DCUN1D2: variants seen among roughly 807,000 people sequenced by gnomAD.
DCUN1D2 encodes DCN1-like protein 2.
A neutral mutation model predicts 30.9 loss-of-function variants in DCUN1D2; 29 were observed. The observed-to-expected ratio is 0.94, with a 90% CI of 0.70 to 1.28. The LOEUF (loss-of-function observed/expected upper bound fraction) is 1.28, where lower values mean the gene tolerates loss of function less well. Ranked by LOEUF, DCUN1D2 falls within the 50% of genes most tolerant of loss-of-function variation. The pLI, the probability that DCUN1D2 is intolerant of heterozygous loss-of-function variation, is 0.00. For synonymous variants in DCUN1D2, 121 were observed against 115.3 expected, an observed-to-expected ratio of 1.05 and a Z score of -0.32; for missense variants, 325 against 316.9, an observed-to-expected ratio of 1.03 and a Z score of -0.19.
intron 4 of DCUN1D2, among the ~76,000 whole-genome samples, chr13:113,470,974 C>A (rs1228073707): frequency 1.4e-5 from 2 of 147,376 alleles, no homozygotes; most frequent in Non-Finnish European, 3.0e-5. Flanking sequence ...CCACAGGGGA[C>A]CCAACTCTAC....
chr13:113,485,479 G>A (rs973776055), intron 1 of DCUN1D2, among the ~76,000 whole-genome samples: 10 of 152,216 alleles, frequency 6.6e-5, no homozygotes, highest in South Asian at 6.2e-4. Flanking sequence ...AGGAAAATCC[G>A]TTTTCATAAG....
chr13:113,479,913 T>C (rs546029469), intron 3 of DCUN1D2, among the ~76,000 whole-genome samples: 2 of 152,290 alleles, frequency 1.3e-5, no homozygotes, highest in East Asian at 1.9e-4. Flanking sequence ...ACACAGGCAA[T>C]GTATTGTGCT....
At chr13:113,489,849 A>C (rs1336085335) in intron 1 of DCUN1D2, among the ~76,000 whole-genome samples, 1 of 151,984 alleles carries the variant, frequency 6.6e-6, no homozygotes, top group Non-Finnish European at 1.5e-5. Flanking sequence ...GCCGCATCCT[A>C]CAAGTTCCTG....
At chr13:113,466,608 G>C (rs972151951) in intron 4 of DCUN1D2, among the ~76,000 whole-genome samples, 3 of 152,082 alleles carry the variant, frequency 2.0e-5, no homozygotes, top group Admixed American at 6.5e-5. Context: ...AGGTTTTCAG[G>C]GGGCAGGGTG....
chr13:113,467,551 A>AATTAT, intron 4 of DCUN1D2, among the ~76,000 whole-genome samples: 1 of 152,248 alleles, frequency 6.6e-6, no homozygotes, highest in Non-Finnish European at 1.5e-5. Flanking sequence ...TCAGCTTATA[A>AATTAT]AGAGCAGTCT....
In DCUN1D2 at chr13:113,459,355, A is replaced by G. The variant is rs1323475386; in HGVS notation, c.657T>C (p.Phe219=). 3 of 1,606,716 alleles carry G rather than the reference A, an allele frequency of 1.9e-6. No homozygotes were observed. The highest frequency in any genetic ancestry group is 1.7e-6 in the Non-Finnish European group (2 of 1,173,332). Reference sequence around the variant, plus strand: ...ACATATCATCCGCAATCATGTTTCCAAAGTCCAGCAGGAGGTTCCAGGTGT... The same window carrying G: ...ACATATCATCCGCAATCATGTTTCCGAAGTCCAGCAGGAGGTTCCAGGTGT... ...PRDTWNLLLD[F]GNMIADDMSN... The change falls in exon 6 of 7, where the codon TTT becomes TTC. Residue 219 remains phenylalanine, a synonymous_variant. Transcript: ENST00000478244.
At chr13:113,475,020 A>C (rs1222479588) in intron 3 of DCUN1D2, among the ~76,000 whole-genome samples, 1 of 152,138 alleles carries the variant, frequency 6.6e-6, no homozygotes. Context: ...CAGTAAAACA[A>C]AGTCTATCTT....
intron 4 of DCUN1D2, among the ~76,000 whole-genome samples, chr13:113,464,205 T>C (rs777965384): frequency 6.6e-6 from 1 of 152,246 alleles, no homozygotes; most frequent in Non-Finnish European, 1.5e-5. Context: ...AAACCAGTAA[T>C]GCTTCCCATC....
intron 4 of DCUN1D2, among the ~76,000 whole-genome samples, chr13:113,465,414 C>T (rs1365331572): frequency 1.3e-5 from 2 of 151,764 alleles, no homozygotes; most frequent in Middle Eastern, 6.8e-3. Flanking sequence ...CTGAAATGGC[C>T]GAATTTTAGA....
In DCUN1D2 at chr13:113,463,306, T is replaced by G. The variant is rs115520990; in HGVS notation, c.521-2170A>C. ...ATGCTTGTGATGCTCCACTTAGGAT[T>G]AGACAATGAAGATGTGTCCTCTATC... On this transcript the variant is annotated intron_variant, in intron 4 of 6. Transcript: ENST00000478244. Among the ~76,000 whole-genome samples the G allele has an allele frequency of 5.9e-3, 900 of 152,308 alleles. 7 individuals carry two copies. The highest frequency in any genetic ancestry group is 0.02 in the African/African-American group (848 of 41,570).
At chr13:113,481,675 G>A (rs1205480023) in intron 2 of DCUN1D2, among the ~76,000 whole-genome samples, 31 of 152,196 alleles carry the variant, frequency 2.0e-4, no homozygotes, top group African/African-American at 7.5e-4. Context: ...CCTGAGCTCA[G>A]GAGTTCAAGA....
At chr13:113,473,485 T>G (rs2044560121) in intron 4 of DCUN1D2, among the ~76,000 whole-genome samples, 1 of 152,124 alleles carries the variant, frequency 6.6e-6, no homozygotes, top group Admixed American at 6.5e-5. Context: ...AACGCAAAAG[T>G]GGGCTGAATT....
chr13:113,455,851 C>T lies in DCUN1D2; in HGVS notation c.*2178G>A, dbSNP rs750281325. ...AAAACCAATTTAATGCTTCTGTTCT[C>T]AGCATTTCACAGCATGCAGGACTCA... On this transcript the variant is annotated 3_prime_UTR_variant, in exon 7 of 7. Transcript: ENST00000478244. 42 of 177,752 alleles carry T rather than the reference C, an allele frequency of 2.4e-4. No individual in the cohort carries two copies. The highest frequency in any genetic ancestry group is 3.8e-4 in the Admixed American group (6 of 16,000). The allele number at this position is 177,752 out of a possible 1,614,324, so 11.0% of individuals were successfully genotyped here. A position where few individuals can be genotyped will look rare whatever the true frequency, so the allele number is the denominator to read the frequency against.
In DCUN1D2 at chr13:113,469,536, G is replaced by A. The variant is rs75271819; in HGVS notation, c.520+4588C>T. Among the ~76,000 whole-genome samples, 763 of 152,248 alleles carry A rather than the reference G, an allele frequency of 5.0e-3. 39 individuals carry two copies. The East Asian group carries it at 0.12, about 23-fold the overall frequency. On this transcript the variant is annotated intron_variant, in intron 4 of 6. Coordinates refer to ENST00000478244, the MANE Select transcript of DCUN1D2 (RefSeq NM_001014283.2). ...CCCTCCAAAAAAAGTTTAAAAATTA[G>A]CCAGGCACAGTCTGCGTGCCTACAG... is the stretch of plus-strand genomic sequence containing the variant.
At chr13:113,485,638 A>T (rs1473182871) in intron 1 of DCUN1D2, among the ~76,000 whole-genome samples, 2 of 152,050 alleles carry the variant, frequency 1.3e-5, no homozygotes, top group East Asian at 3.9e-4. Flanking sequence ...CACGTACAGC[A>T]GAGCCAGCTT....
At chr13:113,458,306 G>A (rs1690570984) in intron 6 of DCUN1D2, among the ~76,000 whole-genome samples, 198 bp from the exon 7 acceptor site, 1 of 152,222 alleles carries the variant, frequency 6.6e-6, no homozygotes. Context: ...GAGCCCTGGT[G>A]TGTGTGTGCT....
chr13:113,468,177 C>G (rs112302802), intron 4 of DCUN1D2, among the ~76,000 whole-genome samples: 2 of 151,702 alleles, frequency 1.3e-5, no homozygotes, highest in African/African-American at 4.8e-5. Context: ...ATAAACAAAA[C>G]GTGGTCTATG....
intron 2 of DCUN1D2, among the ~76,000 whole-genome samples, chr13:113,481,241 C>T (rs2044702925): frequency 6.6e-6 from 1 of 152,190 alleles, no homozygotes; most frequent in Non-Finnish European, 1.5e-5. Flanking sequence ...TTCTCAGAAT[C>T]ATTTAGCTTA....
Position 113,490,294 on chromosome 13 carries a change from C to A in DCUN1D2, c.3+373G>T. Reference sequence around the variant, plus strand: ...GCCTCAGCATCTGCACAGACGCCCGCAGGAGCAGCCGAGCCCTCGCCCGCC... The same window carrying A: ...GCCTCAGCATCTGCACAGACGCCCGAAGGAGCAGCCGAGCCCTCGCCCGCC... On this transcript the variant is annotated intron_variant, in intron 1 of 6. Coordinates refer to ENST00000478244, the MANE Select transcript of DCUN1D2 (RefSeq NM_001014283.2). The surrounding 1 kb of genome is among the most constrained non-coding windows in gnomAD (Gnocchi z 5.2). 5.0e-6 allele frequency: 1 copy of A among 200,462 alleles called. No homozygotes were observed. 12.4% of individuals were successfully genotyped at this position (200,462 alleles called of 1,614,324 possible).
Sources: gnomAD v4.1 joint callset for allele counts (sites outside exome capture counted in the v4.1 genomes callset) on GRCh38, gnomAD v4.1.1 for gene constraint, Gnocchi (gnomAD v3.1) non-coding constraint, MANE v1.5 for transcripts, NCBI Gene and HGNC (gene_info 2026-07-23, HGNC 2026-07-21) for gene names.